EIF3L: variants seen among roughly 807,000 people sequenced by gnomAD.
EIF3L encodes eukaryotic translation initiation factor 3 subunit L.
In EIF3L, 32 loss-of-function variants were observed where a neutral mutation model predicts 74.6. The observed-to-expected ratio is 0.43, with a 90% CI of 0.32 to 0.58. EIF3L has a LOEUF of 0.58. Among genes scored for constraint, EIF3L ranks in the 20% least tolerant of loss-of-function variants. EIF3L has a pLI of 0.06. For synonymous variants in EIF3L, 256 were observed against 254.4 expected, an observed-to-expected ratio of 1.01 and a Z score of -0.06; for missense variants, 474 against 707.8, an observed-to-expected ratio of 0.67 and a Z score of 3.75.
intron 10 of EIF3L, 46 bp from the exon 11 acceptor site, chr22:37,877,628 A>T (rs756282959): frequency 6.5e-7 from 1 of 1,539,994 alleles, no homozygotes; most frequent in Non-Finnish European, 8.7e-7. Context: ...GGACCTCAGG[A>T]AGTCCGTCTC....
At chr22:37,874,331 C>T in intron 8 of EIF3L, 39 bp from the exon 9 acceptor site, 1 of 1,595,782 alleles carries the variant, frequency 6.3e-7, no homozygotes, top group Non-Finnish European at 8.6e-7. Flanking sequence ...CTGCCTTTAC[C>T]TGCCTCCTAT....
chr22:37,870,379 C>T (rs1231613802), intron 8 of EIF3L, 32 bp downstream of exon 8: 7 of 1,550,610 alleles, frequency 4.5e-6, no homozygotes, highest in South Asian at 1.2e-5. Flanking sequence ...CCGTGGCCTG[C>T]GAATTTCCAG....
Position 37,851,254 on chromosome 22 carries a change from C to T in EIF3L, c.83-26C>T, listed in dbSNP as rs1038744196. On this transcript the variant is annotated intron_variant, in intron 2 of 12. Transcript: ENST00000652021. ...TCATATATGTGGGTTTGAGCATACT[C>T]TGTATTTGTTGTATCCAACCTCCAG... is the stretch of plus-strand genomic sequence containing the variant. 58 of 1,604,016 alleles carry T rather than the reference C, an allele frequency of 3.6e-5. No homozygotes were observed. In the Admixed American group the frequency reaches 8.2e-4, roughly 23 times the overall value.
At chr22:37,872,728 C>T (rs1273358118) in intron 8 of EIF3L, among the ~76,000 whole-genome samples, 1 of 152,112 alleles carries the variant, frequency 6.6e-6, no homozygotes, top group Non-Finnish European at 1.5e-5. Flanking sequence ...AAGTGATCCT[C>T]CTACCTCAGC....
intron 5 of EIF3L, among the ~76,000 whole-genome samples, chr22:37,861,232 C>T (rs1176447425): frequency 6.6e-6 from 1 of 152,060 alleles, no homozygotes; most frequent in Non-Finnish European, 1.5e-5. Flanking sequence ...GTTACTCACC[C>T]CTCTTCTCCT....
At chr22:37,873,638 C>T (rs1601774430) in intron 8 of EIF3L, among the ~76,000 whole-genome samples, 1 of 152,058 alleles carries the variant, frequency 6.6e-6, no homozygotes, top group African/African-American at 2.4e-5. Context: ...AAAGAATTTT[C>T]TTTCTTTTTT....
intron 11 of EIF3L, chr22:37,878,432 A>C (rs890153427): frequency 4.0e-5 from 12 of 301,504 alleles, no homozygotes; most frequent in African/African-American, 1.1e-4. Context: ...AAAAAAAAAA[A>C]AAAACACAAG....
In EIF3L at chr22:37,886,789, A is replaced by G; in HGVS notation, c.1600A>G (p.Lys534Glu). 6.2e-7 allele frequency: 1 copy of G among 1,610,582 alleles called. No individual in the cohort carries two copies. The highest frequency in any genetic ancestry group is 8.5e-7 in the Non-Finnish European group (1 of 1,177,702). The change falls in exon 12 of 13, where the codon AAG (lysine) becomes GAG (glutamate). Residue 534 changes from lysine to glutamate, a missense_variant. Transcript: ENST00000652021. ...GGACATGATCCACATCGCGGACACCAAGGTCGCCAGGCGTTATGGGGATTT... is the reference window on the plus strand; with the variant it reads ...GGACATGATCCACATCGCGGACACCGAGGTCGCCAGGCGTTATGGGGATTT... Reference protein sequence around the residue: ...DKDMIHIADTKVARRYGDFFI... With the variant: ...DKDMIHIADTEVARRYGDFFI...
chr22:37,870,410 A>G, intron 8 of EIF3L, 63 bp downstream of exon 8: 1 of 1,480,476 alleles, frequency 6.8e-7, no homozygotes, highest in East Asian at 2.3e-5. Flanking sequence ...TCTGTTCCAA[A>G]TGAATAGATC....
intron 10 of EIF3L, 140 bp downstream of exon 10, chr22:37,876,151 T>C: frequency 1.2e-6 from 1 of 843,976 alleles, no homozygotes; most frequent in Non-Finnish European, 1.8e-6. Flanking sequence ...CGCTCTGTGA[T>C]TGTGCCTACT....
intron 5 of EIF3L, among the ~76,000 whole-genome samples, chr22:37,859,280 G>A (rs1335961033): frequency 1.3e-5 from 2 of 148,786 alleles, no homozygotes; most frequent in Non-Finnish European, 3.0e-5. Context: ...AGACCAGCTT[G>A]TTATAACACC....
chr22:37,884,587 A>G (rs542160132), intron 11 of EIF3L: 39 of 152,342 alleles, frequency 2.6e-4, no homozygotes, highest in Admixed American at 2.0e-3. Context: ...ATTTGCCAAA[A>G]GTAATAACAC....
At chr22:37,855,774 G>C in intron 4 of EIF3L, 130 bp downstream of exon 4, 1 of 663,310 alleles carries the variant, frequency 1.5e-6, no homozygotes, top group South Asian at 2.1e-5. Context: ...GTATGTAGTA[G>C]GTCCTTGGCA....
rs1926645885 is a variant in EIF3L, at chr22:37,874,562, A to G, written c.906+38A>G. The G allele has an allele frequency of 1.9e-6, 3 of 1,600,132 alleles. No individual in the cohort carries two copies. The East Asian group carries it at 6.8e-5, about 36-fold the overall frequency. On this transcript the variant is annotated intron_variant, in intron 9 of 12. Coordinates refer to ENST00000652021, the MANE Select transcript of EIF3L (RefSeq NM_016091.4). Reference sequence around the variant, plus strand: ...GCCTCTGGCCCCTCTTGCCAGAGCCAGAATATCTATTTCTAGAGAACCACT... The same window carrying G: ...GCCTCTGGCCCCTCTTGCCAGAGCCGGAATATCTATTTCTAGAGAACCACT...
At chr22:37,860,909 G>A (rs1215785146) in intron 5 of EIF3L, among the ~76,000 whole-genome samples, 2 of 152,060 alleles carry the variant, frequency 1.3e-5, no homozygotes, top group African/African-American at 4.8e-5. Flanking sequence ...CCAGGTTTTA[G>A]CCCTGTTTCC....
rs551080769 is a variant in EIF3L, at chr22:37,876,290, G to A, written c.1077+279G>A. ...GCTTAAAGGCGCACACAACAACACC[G>A]GCTAATTTTTTTTTTTTTTTTTTTT... is the stretch of plus-strand genomic sequence containing the variant. On this transcript the variant is annotated intron_variant, in intron 10 of 12. Transcript: ENST00000652021. The A allele has an allele frequency of 1.9e-4, 52 of 268,328 alleles. 1 individual carries two copies. Among genetic ancestry groups the A allele is most frequent in the African/African-American group, 4.5e-4 (20 of 44,014 alleles). The allele number at this position is 268,328 out of a possible 1,614,324, so 16.6% of individuals were successfully genotyped here. A position where few individuals can be genotyped will look rare whatever the true frequency, so the allele number is the denominator to read the frequency against.
At chr22:37,849,623 A>T (rs1396586119) in intron 1 of EIF3L, 141 bp downstream of exon 1, 12 of 945,198 alleles carry the variant, frequency 1.3e-5, no homozygotes, top group Non-Finnish European at 1.6e-5. Flanking sequence ...CTGCTCCCAC[A>T]GTTCCCGGTC....
intron 11 of EIF3L, chr22:37,884,016 T>G (rs1456406680): frequency 6.6e-6 from 1 of 152,142 alleles, no homozygotes; most frequent in Non-Finnish European, 1.5e-5. Flanking sequence ...TCCAAAACAT[T>G]TCTGTCCCCC....
At chr22:37,875,582 G>C (rs573340785) in intron 9 of EIF3L, among the ~76,000 whole-genome samples, 1 of 152,302 alleles carries the variant, frequency 6.6e-6, no homozygotes, top group South Asian at 2.1e-4. Flanking sequence ...ACAAAACTGA[G>C]ATGTATAGCA....
Sources: allele counts gnomAD v4.1 joint callset (sites outside exome capture counted in the v4.1 genomes callset), GRCh38; gene constraint gnomAD v4.1.1; transcripts MANE v1.5; gene names NCBI Gene and HGNC (gene_info 2026-07-23, HGNC 2026-07-21).